Variants in SUMF1 observed in about 807,000 individuals in gnomAD.
SUMF1 encodes sulfatase modifying factor 1, also known as formylglycine-generating enzyme.
SUMF1 carries 48 observed loss-of-function variants against 47.6 expected under a neutral mutation model. The ratio of observed to expected loss-of-function variants is 1.01; its 90% CI spans 0.80 to 1.28. The LOEUF (loss-of-function observed/expected upper bound fraction) is 1.28. Among genes scored for constraint, SUMF1 ranks in the 50% most tolerant of loss-of-function variants. SUMF1 has a pLI of 0.00. For missense variants in SUMF1, 571 were observed against 485.4 expected (o/e 1.18, Z -1.66); for synonymous variants, 230 against 192.1 (o/e 1.20, Z -1.63).
chr3:4,172,007 T>C (rs932563912), intron 8 of SUMF1, among the ~76,000 whole-genome samples: 1 of 152,080 alleles, frequency 6.6e-6, no homozygotes, highest in Admixed American at 6.5e-5. Context: ...AAAGATCACA[T>C]TGAAGGCAAT....
rs868642473 is a variant in SUMF1 at position 4,449,454 on chromosome 3, T to A, written c.445-114A>T. On this transcript the variant is annotated intron_variant, in intron 2 of 8. Coordinates refer to ENST00000272902, the MANE Select transcript of SUMF1 (RefSeq NM_182760.4). The stretch of plus-strand genomic sequence containing the variant: ...TTCCTCTTGTCCAATTGAACTTGAG[T>A]CTTTCTTATGACTTCCCAGAGGACT... 8.3e-6 allele frequency: 9 copies of A among 1,083,752 alleles called. No individual in the cohort carries two copies. The Middle Eastern group carries it at 1.1e-3, about 135-fold the overall frequency. 67.1% of individuals were successfully genotyped at this position (1,083,752 alleles called of 1,614,324 possible). A position where few individuals can be genotyped will look rare whatever the true frequency, so the allele number is the denominator to read the frequency against.
rs73806925 is a variant in SUMF1, at chr3:4,189,253, C to A, written c.1015-120508G>T. 4.2e-3 allele frequency among the ~76,000 whole-genome samples: 632 copies of A among 152,064 alleles called. 6 individuals carry two copies. The highest frequency in any genetic ancestry group is 0.014 in the African/African-American group (600 of 41,496). ...GAGGGGTCCAAAATTGGGAGAGGAC[C>A]CTGAATACTCCATACCAGCAGACTT... On this transcript the variant is annotated intron_variant and NMD_transcript_variant, in intron 8 of 12. Transcript: ENST00000448413.
In SUMF1 at chr3:4,449,291, T is replaced by A. The variant is rs1702887927; in HGVS notation, c.494A>T (p.Gln165Leu). 1.2e-6 allele frequency: 2 copies of A among 1,614,054 alleles called. No individual in the cohort carries two copies. The highest frequency in any genetic ancestry group is 1.7e-6 in the Non-Finnish European group (2 of 1,180,008). ...TGCCTGTTGAATATTGGTCTTCACT[T>A]GCTCACTCAACATGCCTTCAAAGAC... ...SFVFEGMLSE[Q>L]VKTNIQQAVA... Residue 165 changes from glutamine to leucine, a missense_variant, in exon 3 of 9, where the codon CAA becomes CTA. By Grantham distance (113) the Gln-to-Leu change is moderately radical (BLOSUM62 -2). Coordinates refer to ENST00000272902, the MANE Select transcript of SUMF1 (RefSeq NM_182760.4).
rs1246689448 is a variant in SUMF1 at position 4,227,810 on chromosome 3, C to CA, written c.1014+148519dup. Reference sequence around the variant, plus strand: ...CCCTAGAGCCAGTCATGCTTGAGGTCAGCTCCATCCCTGGGCTCCCTGTTT... The same window carrying CA: ...CCCTAGAGCCAGTCATGCTTGAGGTCAAGCTCCATCCCTGGGCTCCCTGTTT... On this transcript the variant is annotated intron_variant and NMD_transcript_variant, in intron 8 of 12. Coordinates refer to the SUMF1 transcript ENST00000448413. Among the ~76,000 whole-genome samples the CA allele has an allele frequency of 6.6e-5, 10 of 152,270 alleles. No homozygotes were observed. In the East Asian group the frequency reaches 1.9e-3, roughly 29 times the overall value.
chr3:4,046,922 C>G (rs1393459153), intron 9 of SUMF1, among the ~76,000 whole-genome samples: 2 of 152,022 alleles, frequency 1.3e-5, no homozygotes, highest in Admixed American at 6.6e-5. Context: ...AAATTTGAAC[C>G]CTGAATGTGG....
At position 4,336,841 on chromosome 3, in the gene SUMF1, A is replaced by G. The variant is rs565342901; in HGVS notation, c.1014+39489T>C. ...TTCTTGTGGTTATGAAGACACTTTCATCAATCTGGGAAAATACAAATTACT... is the reference window on the plus strand; with the variant it reads ...TTCTTGTGGTTATGAAGACACTTTCGTCAATCTGGGAAAATACAAATTACT... On this transcript the variant is annotated intron_variant and NMD_transcript_variant, in intron 8 of 12. Transcript: ENST00000448413. Among the ~76,000 whole-genome samples, 271 of 152,334 alleles carry G rather than the reference A, an allele frequency of 1.8e-3. 2 individuals carry two copies. The highest frequency in any genetic ancestry group is 4.8e-3 in the Admixed American group (74 of 15,310).
intron 8 of SUMF1, among the ~76,000 whole-genome samples, chr3:4,274,423 T>C (rs909263783): frequency 2.0e-5 from 3 of 152,182 alleles, no homozygotes; most frequent in Non-Finnish European, 4.4e-5. Flanking sequence ...TTATGTCACT[T>C]AGTCTAACTA....
intron 8 of SUMF1, among the ~76,000 whole-genome samples, chr3:4,272,459 G>A (rs1285818426): frequency 6.6e-6 from 1 of 152,138 alleles, no homozygotes; most frequent in Non-Finnish European, 1.5e-5. Flanking sequence ...CATGGCCCTG[G>A]ACAAGGAGCT....
rs554418562 is a variant in SUMF1, at chr3:4,163,618, C to T, written c.1015-94873G>A. Among the ~76,000 whole-genome samples, 77 of 151,338 alleles carry T rather than the reference C, an allele frequency of 5.1e-4. 1 individual carries two copies. The highest frequency in any genetic ancestry group is 1.8e-3 in the African/African-American group (76 of 41,206). Reference sequence around the variant, plus strand: ...TTTCTGTAAAGGAACAGTCTTCCAGCTCCTTTGTATGAGAGGAAATTGAAG... The same window carrying T: ...TTTCTGTAAAGGAACAGTCTTCCAGTTCCTTTGTATGAGAGGAAATTGAAG... On this transcript the variant is annotated intron_variant and NMD_transcript_variant, in intron 8 of 12. Coordinates refer to the SUMF1 transcript ENST00000448413.
At chr3:4,050,748 CAAAAAAAA>C (rs34228101) in intron 9 of SUMF1, among the ~76,000 whole-genome samples, 3 of 86,986 alleles carry the variant, frequency 3.4e-5, no homozygotes, top group South Asian at 4.2e-4. Context: ...GACCCTGTCT[CAAAAAAAA>C]AAAAAAAAAA....
intron 8 of SUMF1, among the ~76,000 whole-genome samples, chr3:4,120,820 C>A (rs918911688): frequency 6.6e-6 from 1 of 152,154 alleles, no homozygotes; most frequent in Non-Finnish European, 1.5e-5. Flanking sequence ...GTATTAAATG[C>A]ACCTGAAGTC....
chr3:4,420,283 C>T lies in SUMF1; in HGVS notation c.520-137G>A, dbSNP rs1701849247. 6 of 720,416 alleles carry T rather than the reference C, an allele frequency of 8.3e-6. No individual in the cohort carries two copies. The Admixed American group carries it at 1.2e-4, about 15-fold the overall frequency. 44.6% of individuals were successfully genotyped at this position (720,416 alleles called of 1,614,324 possible). On this transcript the variant is annotated intron_variant, in intron 3 of 8. Coordinates refer to ENST00000272902, the MANE Select transcript of SUMF1 (RefSeq NM_182760.4). ...CCAAACAAATACATTTGCCAGAATA[C>T]CAAAATAAAGACTTATATGTAAATA...
At chr3:4,416,171 T>C (rs2125028153) in intron 6 of SUMF1, among the ~76,000 whole-genome samples, 1 of 152,324 alleles carries the variant, frequency 6.6e-6, no homozygotes, top group South Asian at 2.1e-4. Context: ...GAAAACAGTT[T>C]GGCCATATAT....
chr3:4,158,518 G>C (rs370184288), intron 8 of SUMF1, among the ~76,000 whole-genome samples: 1 of 151,468 alleles, frequency 6.6e-6, no homozygotes, highest in Middle Eastern at 3.4e-3. Context: ...TTTCTGTCTG[G>C]ATCTGTCCAG....
At chr3:4,386,278 T>A (rs1043318634) in intron 7 of SUMF1, among the ~76,000 whole-genome samples, 17 of 152,192 alleles carry the variant, frequency 1.1e-4, no homozygotes, top group African/African-American at 4.1e-4. Context: ...TATTCAGATA[T>A]TTCTTTCATT....
At chr3:4,138,056 T>A (rs900567308) in intron 8 of SUMF1, among the ~76,000 whole-genome samples, 1 of 152,048 alleles carries the variant, frequency 6.6e-6, no homozygotes, top group Non-Finnish European at 1.5e-5. Flanking sequence ...AAACTCCCCA[T>A]TTATAATAGC....
intron 8 of SUMF1, among the ~76,000 whole-genome samples, chr3:4,086,295 C>T (rs1038404838): frequency 6.6e-6 from 1 of 151,930 alleles, no homozygotes; most frequent in African/African-American, 2.4e-5. Flanking sequence ...AATCCCCATC[C>T]CACATTTATT....
At chr3:4,283,682 G>A (rs1330602596) in intron 8 of SUMF1, among the ~76,000 whole-genome samples, 1 of 152,174 alleles carries the variant, frequency 6.6e-6, no homozygotes, top group Non-Finnish European at 1.5e-5. Context: ...TACCTTAAGA[G>A]GATGGTGTTA....
chr3:4,066,225 A>C, intron 9 of SUMF1, among the ~76,000 whole-genome samples: 1 of 152,008 alleles, frequency 6.6e-6, no homozygotes, highest in Non-Finnish European at 1.5e-5. Flanking sequence ...AAAATGCCAA[A>C]ACAGGATGAA....
Sources: allele counts gnomAD v4.1 joint callset (sites outside exome capture counted in the v4.1 genomes callset), GRCh38; gene constraint gnomAD v4.1.1; transcripts MANE v1.5; gene names NCBI Gene and HGNC (gene_info 2026-07-23, HGNC 2026-07-21).